The following NALF1 variants were observed in gnomAD, a reference collection of about 807,000 sequenced individuals.
The protein encoded by NALF1 is NALCN channel auxiliary factor 1.
In NALF1, 3 loss-of-function variants were observed where a neutral mutation model predicts 48.4. The observed-to-expected ratio is 0.06, with a 90% confidence interval of 0.03 to 0.16. The LOEUF (loss-of-function observed/expected upper bound fraction) is 0.16. Ranked by LOEUF, NALF1 falls within the 10% of genes least tolerant of loss-of-function variation. The pLI, the probability that NALF1 is intolerant of heterozygous loss-of-function variation, is 1.00. For synonymous variants in NALF1, 262 were observed against 245.7 expected (o/e 1.07, Z -0.62); for missense variants, 526 against 571.5 (o/e 0.92, Z 0.81).
At position 107,285,400 on chromosome 13, in the gene NALF1, A is replaced by G. The variant is rs543828349; in HGVS notation, c.916-74645T>C. Among the ~76,000 whole-genome samples, 9 of 152,360 alleles carry G rather than the reference A, an allele frequency of 5.9e-5. No individual in the cohort carries two copies. In the East Asian group the frequency reaches 1.5e-3, roughly 26 times the overall value. On this transcript the variant is annotated intron_variant, in intron 1 of 2. Transcript: ENST00000375915. Reference sequence around the variant, plus strand: ...CTTGCATAGAGAGAAGGACATAGGTACTGCCACCTCTAAGCCCAGGACAGC... The same window carrying G: ...CTTGCATAGAGAGAAGGACATAGGTGCTGCCACCTCTAAGCCCAGGACAGC...
At chr13:107,417,446 G>A (rs1220931584) in intron 1 of NALF1, among the ~76,000 whole-genome samples, 2 of 152,172 alleles carry the variant, frequency 1.3e-5, no homozygotes, top group Non-Finnish European at 2.9e-5. Context: ...GTGTAAAAAT[G>A]ATCAAGTGCA....
At chr13:107,416,776 C>T (rs1884096253) in intron 1 of NALF1, among the ~76,000 whole-genome samples, 1 of 152,156 alleles carries the variant, frequency 6.6e-6, no homozygotes, top group South Asian at 2.1e-4. Flanking sequence ...ATTATTGTAT[C>T]CTCCTCCCAA....
At chr13:107,537,210 C>T (rs1876852046) in intron 1 of NALF1, among the ~76,000 whole-genome samples, 2 of 151,800 alleles carry the variant, frequency 1.3e-5, no homozygotes, top group African/African-American at 4.8e-5. Flanking sequence ...GCACATGTAC[C>T]CTAGAACTTA....
intron 1 of NALF1, among the ~76,000 whole-genome samples, chr13:107,846,104 C>T (rs1880165528): frequency 6.6e-6 from 1 of 152,174 alleles, no homozygotes; most frequent in Admixed American, 6.6e-5. Flanking sequence ...CTGCTTGTCA[C>T]ACATTCCAGG....
At chr13:107,438,069 T>C (rs910965108) in intron 1 of NALF1, among the ~76,000 whole-genome samples, 7 of 152,298 alleles carry the variant, frequency 4.6e-5, no homozygotes, top group Non-Finnish European at 1.0e-4. Context: ...TTCTACATGG[T>C]TGTAAATTAT....
intron 1 of NALF1, among the ~76,000 whole-genome samples, chr13:107,629,642 G>A (rs927522201): frequency 1.2e-5 from 1 of 83,444 alleles, no homozygotes; most frequent in Admixed American, 1.5e-4. Context: ...TTGTCAGAAA[G>A]CAACAAATTT....
intron 1 of NALF1, among the ~76,000 whole-genome samples, chr13:107,288,495 C>T (rs1881548056): frequency 6.6e-6 from 1 of 150,452 alleles, no homozygotes; most frequent in Non-Finnish European, 1.5e-5. Context: ...GCTGGGATTA[C>T]AGGCGTGAGC....
intron 1 of NALF1, among the ~76,000 whole-genome samples, chr13:107,445,688 G>A (rs1884637775): frequency 6.6e-6 from 1 of 152,124 alleles, no homozygotes; most frequent in African/African-American, 2.4e-5. Flanking sequence ...AGCAATATGT[G>A]AGTGATCATT....
At chr13:107,693,160 G>T (rs1451446557) in intron 1 of NALF1, among the ~76,000 whole-genome samples, 2 of 152,118 alleles carry the variant, frequency 1.3e-5, no homozygotes, top group African/African-American at 4.8e-5. Flanking sequence ...TCCAGCATCT[G>T]TTGTTTCCTG....
intron 1 of NALF1, among the ~76,000 whole-genome samples, chr13:107,229,824 T>A (rs1390625993): frequency 1.3e-5 from 2 of 152,122 alleles, no homozygotes; most frequent in African/African-American, 4.8e-5. Context: ...CAGGTAGGGG[T>A]TTCCCAGGTT....
rs116105136 is a variant in NALF1, at chr13:107,645,218, C to A, written c.915+220464G>T. On this transcript the variant is annotated intron_variant, in intron 1 of 2. Transcript: ENST00000375915. ...TTCTTCAAAGTGATTGCTGACAACA[C>A]CACAAGCAGTTACAGTTGCTCCACA... 2.1e-3 allele frequency among the ~76,000 whole-genome samples: 322 copies of A among 152,210 alleles called. 3 individuals are homozygous for A. The highest frequency in any genetic ancestry group is 7.5e-3 in the African/African-American group (311 of 41,524).
At chr13:107,771,860 T>C (rs1043102185) in intron 1 of NALF1, among the ~76,000 whole-genome samples, 4 of 152,040 alleles carry the variant, frequency 2.6e-5, no homozygotes, top group Non-Finnish European at 5.9e-5. Flanking sequence ...CCTCAGCCTC[T>C]GGAGTAGTTG....
chr13:107,243,537 A>G (rs965805196), intron 1 of NALF1, among the ~76,000 whole-genome samples: 2 of 152,198 alleles, frequency 1.3e-5, no homozygotes, highest in South Asian at 4.1e-4. Flanking sequence ...CCAAGTCAAG[A>G]CCGTATCTGC....
chr13:107,434,869 T>C (rs1366306377), intron 1 of NALF1, among the ~76,000 whole-genome samples: 3 of 152,154 alleles, frequency 2.0e-5, no homozygotes, highest in Non-Finnish European at 4.4e-5. Context: ...TCATTATGAA[T>C]CTTCACATGA....
chr13:107,170,522 T>C lies in NALF1; in HGVS notation c.1352A>G (p.Glu451Gly), dbSNP rs1324942856. Reference sequence around the variant, plus strand: ...TTACTCCTCATTGGTTGAGTTTTCTTCCAGCGTGTTGATGCCTCCAAAGCT... The same window carrying C: ...TTACTCCTCATTGGTTGAGTTTTCTCCCAGCGTGTTGATGCCTCCAAAGCT... Reference protein sequence around the residue: ...GLSFGGINTLEENSTNEE With the variant: ...GLSFGGINTLGENSTNEE The change falls in exon 3 of 3, where the codon GAA becomes GGA. Residue 451 changes from glutamate to glycine, a missense_variant. By Grantham distance (98) the Glu-to-Gly change is moderately conservative. Transcript: ENST00000375915. 6.2e-7 allele frequency: 1 copy of C among 1,604,308 alleles called. No homozygotes were observed. The highest frequency in any genetic ancestry group is 1.7e-5 in the Admixed American group (1 of 59,914).
chr13:107,564,246 T>C lies in NALF1; in HGVS notation c.915+301436A>G, dbSNP rs377358250. On this transcript the variant is annotated intron_variant, in intron 1 of 2. Transcript: ENST00000375915. Reference sequence around the variant, plus strand: ...ATCAATTTCAAGGACTTTGTAGCTATATAATCCAATGATTCTAACTTTATT... The same window carrying C: ...ATCAATTTCAAGGACTTTGTAGCTACATAATCCAATGATTCTAACTTTATT... Among the ~76,000 whole-genome samples the C allele has an allele frequency of 6.6e-5, 10 of 152,232 alleles. No homozygotes were observed. In the East Asian group the frequency reaches 9.6e-4, roughly 15 times the overall value.
intron 1 of NALF1, among the ~76,000 whole-genome samples, chr13:107,418,361 G>T (rs1200527634): frequency 6.6e-6 from 1 of 152,074 alleles, no homozygotes; most frequent in Non-Finnish European, 1.5e-5. Context: ...GTGACAGGAT[G>T]CAACTCCCAA....
At chr13:107,327,942 A>G (rs114475511) in intron 1 of NALF1, among the ~76,000 whole-genome samples, 1 of 151,148 alleles carries the variant, frequency 6.6e-6, no homozygotes, top group Admixed American at 6.6e-5. Context: ...TTTTTTTAAG[A>G]CAGGATATCA....
chr13:107,563,364 C>A (rs1039226901), intron 1 of NALF1, among the ~76,000 whole-genome samples: 1 of 152,124 alleles, frequency 6.6e-6, no homozygotes, highest in African/African-American at 2.4e-5. Flanking sequence ...AAGTGTGATA[C>A]AAGAAACACC....
Sources: gnomAD v4.1 joint callset for allele counts (sites outside exome capture counted in the v4.1 genomes callset) on GRCh38, gnomAD v4.1.1 for gene constraint, MANE v1.5 for transcripts, NCBI Gene and HGNC (gene_info 2026-07-23, HGNC 2026-07-21) for gene names.